NEDD9: variants seen among roughly 807,000 people sequenced by gnomAD.
NEDD9 encodes neural precursor cell expressed, developmentally down-regulated 9.
NEDD9 carries 26 observed loss-of-function variants against 76.6 expected under a neutral mutation model. The ratio of observed to expected loss-of-function variants is 0.34; its 90% CI spans 0.25 to 0.47. The LOEUF is 0.47. Ranked by LOEUF, NEDD9 falls within the 20% of genes least tolerant of loss-of-function variation. The probability of loss-of-function intolerance (pLI) is 1.00; values close to 1 mark genes in which losing one functional copy is unlikely to be tolerated. For missense variants in NEDD9, 937 were observed against 1,058.5 expected, an observed-to-expected ratio of 0.89 and a Z score of 1.59; for synonymous variants, 392 against 414.2, an observed-to-expected ratio of 0.95 and a Z score of 0.65.
At chr6:11,221,930 T>C (rs1231785156) in intron 1 of NEDD9, among the ~76,000 whole-genome samples, 1 of 152,124 alleles carries the variant, frequency 6.6e-6, no homozygotes, top group Non-Finnish European at 1.5e-5. Flanking sequence ...CACTGGATCA[T>C]ATCTATCTGC....
chr6:11,207,903 C>T (rs921969332), intron 2 of NEDD9, among the ~76,000 whole-genome samples: 26 of 152,122 alleles, frequency 1.7e-4, no homozygotes, highest in Admixed American at 9.8e-4. Flanking sequence ...TTAGGCCAGG[C>T]GCAGTGGCTC....
intron 1 of NEDD9, among the ~76,000 whole-genome samples, chr6:11,353,493 G>A (rs1762509110): frequency 6.6e-6 from 1 of 152,224 alleles, no homozygotes; most frequent in Non-Finnish European, 1.5e-5. Flanking sequence ...AGGCAAGGAA[G>A]GATCCTCCCC....
chr6:11,226,448 G>A (rs1581969583), intron 1 of NEDD9, among the ~76,000 whole-genome samples: 1 of 152,082 alleles, frequency 6.6e-6, no homozygotes, highest in Admixed American at 6.5e-5. Flanking sequence ...GTATTGCCTT[G>A]GTCCTAGTGG....
rs869185428 is a variant in NEDD9 at position 11,291,267 on chromosome 6, G to GTTTTTTTTTTTTTTTTTTTTT, written c.12+14704_12+14724dup. Reference sequence around the variant, plus strand: ...GAGCACAGGGCAGAAATAGAATGAGGTTTTTTTTTTTTTTTTTTTTTTTTT... The same window carrying GTTTTTTTTTTTTTTTTTTTTT: ...GAGCACAGGGCAGAAATAGAATGAGGTTTTTTTTTTTTTTTTTTTTTTTTTTTTTTTTTTTTTTTTTTTTTT... On this transcript the variant is annotated intron_variant, in intron 3 of 3. Transcript: ENST00000397378. Among the ~76,000 whole-genome samples, 16 of 95,826 alleles carry GTTTTTTTTTTTTTTTTTTTTT rather than the reference G, an allele frequency of 1.7e-4. 2 individuals carry two copies. Among genetic ancestry groups the GTTTTTTTTTTTTTTTTTTTTT allele is most frequent in the African/African-American group, 7.6e-4 (15 of 19,822 alleles). The allele number at this position is 95,826 out of a possible 152,430, so 62.9% of individuals were successfully genotyped here.
At chr6:11,355,413 A>T (rs1762546805) in intron 1 of NEDD9, among the ~76,000 whole-genome samples, 1 of 152,202 alleles carries the variant, frequency 6.6e-6, no homozygotes. Flanking sequence ...GTATAATAGC[A>T]ACAACAACAA....
In NEDD9 at chr6:11,192,362, T is replaced by C; in HGVS notation, c.646A>G (p.Ile216Val). The change falls in exon 4 of 7, where the codon ATC (isoleucine) becomes GTC (valine). Residue 216 changes from isoleucine (I) to valine (V), a missense_variant. Physicochemically the swap from Ile to Val is conservative, Grantham distance 29. Coordinates refer to ENST00000379446, the MANE Select transcript of NEDD9 (RefSeq NM_006403.4). ...GEIKPQGVYDIPPTKGVYAIP... is the reference protein window; with the variant it reads ...GEIKPQGVYDVPPTKGVYAIP... The stretch of plus-strand genomic sequence containing the variant: ...TCACTCACCCCTTTTGTAGGCGGGA[T>C]GTCATACACCCCTTGAGGTTTTATC... 6.5e-7 allele frequency: 1 copy of C among 1,528,510 alleles called. No homozygotes were observed. Among genetic ancestry groups the C allele is most frequent in the Admixed American group, 1.9e-5 (1 of 52,670 alleles). 94.7% of individuals were successfully genotyped at this position (1,528,510 alleles called of 1,614,324 possible).
intron 3 of NEDD9, among the ~76,000 whole-genome samples, chr6:11,294,709 A>G (rs1455374818): frequency 6.6e-6 from 1 of 152,128 alleles, no homozygotes; most frequent in Non-Finnish European, 1.5e-5. Context: ...CCCTTTTCCC[A>G]TATCCTCACA....
intron 3 of NEDD9, among the ~76,000 whole-genome samples, chr6:11,272,444 G>A (rs1019129107): frequency 3.3e-5 from 5 of 152,188 alleles, no homozygotes; most frequent in South Asian, 2.1e-4. Context: ...ACATTTGAAC[G>A]CAGCTTGGTC....
At chr6:11,250,549 A>G (rs1450877181) in intron 3 of NEDD9, among the ~76,000 whole-genome samples, 2 of 152,196 alleles carry the variant, frequency 1.3e-5, no homozygotes, top group African/African-American at 4.8e-5. Context: ...TCCTACGACC[A>G]GAGAGTTCTC....
intron 2 of NEDD9, among the ~76,000 whole-genome samples, chr6:11,318,938 A>G (rs896070444): frequency 2.6e-5 from 4 of 152,250 alleles, no homozygotes; most frequent in African/African-American, 9.6e-5. Flanking sequence ...GTTTATACCT[A>G]ATTCATTTCT....
At chr6:11,320,413 G>A (rs1761767006) in intron 2 of NEDD9, among the ~76,000 whole-genome samples, 1 of 152,046 alleles carries the variant, frequency 6.6e-6, no homozygotes, top group Admixed American at 6.6e-5. Context: ...GTTGCAATAG[G>A]GACTGCCAGG....
At position 11,183,670 on chromosome 6, in the gene NEDD9, T is replaced by G. The variant is rs1044411; in HGVS notation, c.*1492A>C. ...TGATTTTTTTTTAATCACTCTGAGA[T>G]CATGCATTCTTGTTTTTTAAATCCT... On this transcript the variant is annotated 3_prime_UTR_variant, in exon 7 of 7. Coordinates refer to ENST00000379446, the MANE Select transcript of NEDD9 (RefSeq NM_006403.4). 1 of 151,920 alleles carries G rather than the reference T, an allele frequency of 6.6e-6. No homozygotes were observed. Among genetic ancestry groups the G allele is most frequent in the African/African-American group, 2.4e-5 (1 of 41,370 alleles). 9.4% of individuals were successfully genotyped at this position (151,920 alleles called of 1,614,324 possible).
intron 3 of NEDD9, among the ~76,000 whole-genome samples, chr6:11,275,153 C>G (rs1334590425): frequency 6.6e-6 from 1 of 152,144 alleles, no homozygotes; most frequent in East Asian, 1.9e-4. Flanking sequence ...CACAGAAAGA[C>G]AAATACAACA....
At chr6:11,267,711 A>G (rs1169443066) in intron 3 of NEDD9, among the ~76,000 whole-genome samples, 1 of 152,178 alleles carries the variant, frequency 6.6e-6, no homozygotes, top group African/African-American at 2.4e-5. Context: ...ATGCCTGTGG[A>G]GATACGGGTC....
intron 1 of NEDD9, among the ~76,000 whole-genome samples, chr6:11,347,127 G>C (rs914319797): frequency 6.6e-6 from 1 of 152,204 alleles, no homozygotes; most frequent in African/African-American, 2.4e-5. Context: ...AAGAGGTGCA[G>C]GGTGGAGAGG....
chr6:11,190,366 T>C lies in NEDD9; in HGVS notation c.1503A>G (p.Gln501=), dbSNP rs957546073. 4 of 1,614,110 alleles carry C rather than the reference T, an allele frequency of 2.5e-6. No individual in the cohort carries two copies. In the African/African-American group the frequency reaches 5.3e-5, roughly 22 times the overall value. The change falls in exon 5 of 7, where the codon CAA becomes CAG. Residue 501 remains glutamine (Q), a synonymous_variant. Coordinates refer to ENST00000379446, the MANE Select transcript of NEDD9 (RefSeq NM_006403.4). This position sits in a 1 kb window ranked among gnomAD's most constrained non-coding sequence, Gnocchi z 5.8. The part of the protein sequence containing the change: ...RVEDSHQILS[Q]TSHDLNECSW... ...TGCACTCATTTAAGTCATGGCTGGT[T>C]TGACTCAGGATCTGGTGGGAGTCTT...
At chr6:11,319,861 C>T (rs1255333265) in intron 2 of NEDD9, among the ~76,000 whole-genome samples, 1 of 152,196 alleles carries the variant, frequency 6.6e-6, no homozygotes, top group South Asian at 2.1e-4. Context: ...CACTCACACA[C>T]TCATACACAC....
intron 3 of NEDD9, chr6:11,271,552 A>G (rs1760308711): frequency 1.3e-5 from 2 of 152,270 alleles, no homozygotes; most frequent in African/African-American, 4.8e-5. Flanking sequence ...CTAAGCAGCT[A>G]CAAGGGCCCA....
chr6:11,316,827 G>A (rs1305375805), intron 2 of NEDD9, among the ~76,000 whole-genome samples: 2 of 152,320 alleles, frequency 1.3e-5, no homozygotes, highest in Non-Finnish European at 2.9e-5. Context: ...TTACAAGGTG[G>A]GAGACGGAGC....
Sources: gnomAD v4.1 joint callset for allele counts (sites outside exome capture counted in the v4.1 genomes callset) on GRCh38, gnomAD v4.1.1 for gene constraint, Gnocchi (gnomAD v3.1) non-coding constraint, MANE v1.5 for transcripts, NCBI Gene and HGNC (gene_info 2026-07-23, HGNC 2026-07-21) for gene names.